Variants in PDE1C observed in about 807,000 individuals in gnomAD.
PDE1C encodes dual specificity calcium/calmodulin-dependent 3',5'-cyclic nucleotide phosphodiesterase 1C.
PDE1C carries 62 observed loss-of-function variants against 93.1 expected under a neutral mutation model. The ratio of observed to expected loss-of-function variants is 0.67; its 90% CI spans 0.54 to 0.82. The LOEUF is 0.82. Ranked by LOEUF, PDE1C falls within the 40% of genes least tolerant of loss-of-function variation. PDE1C has a pLI of 0.00. For missense variants in PDE1C, 742 were observed against 884.6 expected (o/e 0.84, Z 2.04); for synonymous variants, 325 against 310.1 (o/e 1.05, Z -0.50).
chr7:32,371,552 G>T (rs1332533727), intron 1 of PDE1C, among the ~76,000 whole-genome samples: 1 of 152,116 alleles, frequency 6.6e-6, no homozygotes, highest in Non-Finnish European at 1.5e-5. Flanking sequence ...GGCATGGATG[G>T]GTACCATGGT....
At chr7:31,987,950 G>A (rs903836830) in intron 2 of PDE1C, among the ~76,000 whole-genome samples, 7 of 152,152 alleles carry the variant, frequency 4.6e-5, no homozygotes, top group East Asian at 1.9e-4. Flanking sequence ...ATGGGCCATC[G>A]CTGGCTCTCT....
intron 3 of PDE1C, among the ~76,000 whole-genome samples, chr7:32,165,015 A>G (rs968689695): frequency 1.3e-5 from 2 of 152,182 alleles, no homozygotes; most frequent in Non-Finnish European, 2.9e-5. Flanking sequence ...AGGAGTGTCT[A>G]TTTTCCAGGT....
intron 1 of PDE1C, among the ~76,000 whole-genome samples, chr7:32,232,512 C>T (rs189151913): frequency 6.6e-6 from 1 of 152,136 alleles, no homozygotes. Flanking sequence ...GAAATTCAGG[C>T]ACAGTCTTGG....
intron 1 of PDE1C, among the ~76,000 whole-genome samples, chr7:32,332,448 C>A (rs1213249515): frequency 6.6e-6 from 1 of 151,474 alleles, no homozygotes; most frequent in African/African-American, 2.4e-5. Context: ...TAAACTGATA[C>A]AACAGGTTTT....
At chr7:31,946,841 A>G (rs1371882977) in intron 2 of PDE1C, among the ~76,000 whole-genome samples, 1 of 152,082 alleles carries the variant, frequency 6.6e-6, no homozygotes, top group Non-Finnish European at 1.5e-5. Flanking sequence ...CAACATCTCT[A>G]AAGTGTGTGT....
chr7:32,065,859 A>T (rs1795338588), intron 1 of PDE1C, among the ~76,000 whole-genome samples: 2 of 152,198 alleles, frequency 1.3e-5, no homozygotes, highest in South Asian at 4.1e-4. Flanking sequence ...TGTTTCAGAG[A>T]AACCAAATTC....
At chr7:32,298,061 TCTCC>T (rs143512013) in intron 1 of PDE1C, among the ~76,000 whole-genome samples, 6,657 of 52,498 alleles carry the variant, frequency 0.13, 2,530 homozygotes, top group Admixed American at 0.19. Context: ...TCTCTCTCTC[TCTCC>T]CCTCTCTCTC....
At chr7:32,205,939 G>A (rs531767567) in intron 2 of PDE1C, among the ~76,000 whole-genome samples, 1 of 152,242 alleles carries the variant, frequency 6.6e-6, no homozygotes, top group South Asian at 2.1e-4. Context: ...CCATCTGTAA[G>A]AACTGTAACA....
At chr7:31,666,505 C>T in the PDE1C span, among the ~76,000 whole-genome samples, 4 of 152,060 alleles carry the variant, frequency 2.6e-5, no homozygotes, top group African/African-American at 9.7e-5. Flanking sequence ...TAACTTAATA[C>T]TGTAATTTGT....
intron 2 of PDE1C, among the ~76,000 whole-genome samples, chr7:32,205,218 T>C (rs1328991976): frequency 6.6e-6 from 1 of 152,234 alleles, no homozygotes; most frequent in Admixed American, 6.5e-5. Context: ...GTCCTTCACA[T>C]AGTCCATGAC....
the PDE1C span, among the ~76,000 whole-genome samples, chr7:31,718,442 C>T: frequency 0.029 from 4,361 of 152,162 alleles, 97 homozygotes; most frequent in African/African-American, 0.04. Context: ...CCTCTCTGGA[C>T]GTAAGAATTT....
At chr7:31,939,200 AAC>A (rs1189082102) in intron 2 of PDE1C, among the ~76,000 whole-genome samples, 1 of 152,102 alleles carries the variant, frequency 6.6e-6, no homozygotes, top group African/African-American at 2.4e-5. Flanking sequence ...CTCTCTGTTA[AAC>A]ACACAGAGAG....
chr7:31,953,546 G>C (rs1413509703), intron 2 of PDE1C, among the ~76,000 whole-genome samples: 1 of 152,148 alleles, frequency 6.6e-6, no homozygotes, highest in Non-Finnish European at 1.5e-5. Flanking sequence ...TCTGCTTGCT[G>C]GATTTCCTCT....
At chr7:31,835,551 T>TGTGC (rs1554358116) in intron 11 of PDE1C, among the ~76,000 whole-genome samples, 32 of 151,946 alleles carry the variant, frequency 2.1e-4, no homozygotes, top group Admixed American at 3.9e-4. Flanking sequence ...TGTGTGTGTG[T>TGTGC]GTGTGCGTGC....
At chr7:31,688,143 GT>G in the PDE1C span, among the ~76,000 whole-genome samples, 289 of 152,294 alleles carry the variant, frequency 1.9e-3, 3 homozygotes, top group African/African-American at 6.7e-3. Flanking sequence ...ATATCAGTGT[GT>G]AGGACCTGGG....
At chr7:32,209,606 A>G (rs1805858984) in intron 1 of PDE1C, 1 of 1,278,784 alleles carries the variant, frequency 7.8e-7, no homozygotes, top group Admixed American at 2.1e-5. Flanking sequence ...ATGCCCCAAT[A>G]CAGCCAATCC....
upstream of PDE1C, chr7:32,071,225 C>A: frequency 2.0e-6 from 2 of 985,434 alleles, no homozygotes; most frequent in Non-Finnish European, 2.4e-6. Flanking sequence ...AGCTCGGCTC[C>A]GCGCGCAAGT....
intron 1 of PDE1C, among the ~76,000 whole-genome samples, chr7:32,305,887 C>T (rs1052164596): frequency 1.7e-4 from 26 of 152,236 alleles, no homozygotes; most frequent in African/African-American, 5.8e-4. Context: ...CTCAGTCCCT[C>T]GGTCAGGCAT....
At chr7:32,411,005 T>C (rs1419344317) in intron 1 of PDE1C, among the ~76,000 whole-genome samples, 1 of 152,170 alleles carries the variant, frequency 6.6e-6, no homozygotes, top group African/African-American at 2.4e-5. Flanking sequence ...CATAGACTAA[T>C]GGAACAGAAT....
Sources: allele counts gnomAD v4.1 joint callset (sites outside exome capture counted in the v4.1 genomes callset), GRCh38; gene constraint gnomAD v4.1.1; transcripts MANE v1.5; gene names NCBI Gene and HGNC (gene_info 2026-07-23, HGNC 2026-07-21).